ANO3: variants seen among roughly 807,000 people sequenced by gnomAD.
The protein encoded by ANO3 is anoctamin 3.
ANO3 carries 99 observed loss-of-function variants against 144.8 expected under a neutral mutation model. The observed-to-expected ratio is 0.68, with a 90% CI of 0.58 to 0.81. ANO3 has a LOEUF of 0.81. ANO3 is among the 30% of genes least tolerant of loss of function. The probability of loss-of-function intolerance (pLI) is 0.00; values close to 1 mark genes in which losing one functional copy is unlikely to be tolerated. For missense variants in ANO3, 905 were observed against 1,202.2 expected, an observed-to-expected ratio of 0.75 and a Z score of 3.66; for synonymous variants, 414 against 392.6, an observed-to-expected ratio of 1.05 and a Z score of -0.64.
intron 20 of ANO3, among the ~76,000 whole-genome samples, chr11:26,638,341 A>G (rs1025315552): frequency 2.6e-5 from 4 of 152,200 alleles, no homozygotes; most frequent in African/African-American, 9.6e-5. Flanking sequence ...GGAAAATAGC[A>G]CTTCACCTTT....
chr11:26,348,321 A>C (rs1855547895), intron 1 of ANO3, among the ~76,000 whole-genome samples: 1 of 152,244 alleles, frequency 6.6e-6, no homozygotes. Flanking sequence ...GTGTATTTAA[A>C]GTTCATGTTA....
At chr11:26,286,848 C>T (rs2133849523) in intron 1 of ANO3, among the ~76,000 whole-genome samples, 1 of 152,260 alleles carries the variant, frequency 6.6e-6, no homozygotes, top group East Asian at 1.9e-4. Flanking sequence ...GGGCTTAGCT[C>T]CAAACTATCT....
chr11:26,637,382 T>A (rs2133048803), intron 20 of ANO3, among the ~76,000 whole-genome samples: 1 of 152,292 alleles, frequency 6.6e-6, no homozygotes, highest in Middle Eastern at 3.4e-3. Context: ...GTAAATGGAA[T>A]TCATCCTTAG....
chr11:26,520,068 T>C (rs530752975), intron 6 of ANO3, among the ~76,000 whole-genome samples: 9 of 152,314 alleles, frequency 5.9e-5, no homozygotes, highest in African/African-American at 2.2e-4. Flanking sequence ...CTCTTAGTGA[T>C]GGAATAATTG....
intron 1 of ANO3, among the ~76,000 whole-genome samples, chr11:26,193,953 A>G (rs762410900): frequency 6.6e-6 from 1 of 152,186 alleles, no homozygotes; most frequent in Non-Finnish European, 1.5e-5. Context: ...GCATGACTTC[A>G]GAAAGTTAAA....
In ANO3 at chr11:26,223,616, A is replaced by C. The variant is rs1427955877; in HGVS notation, c.154+34286A>C. Among the ~76,000 whole-genome samples, 254 of 146,976 alleles carry C rather than the reference A, an allele frequency of 1.7e-3. 1 individual carries two copies. The highest frequency in any genetic ancestry group is 2.3e-3 in the Non-Finnish European group (150 of 65,746). ...TAGCTTTTTAATAAAAAAAAAAAAA[A>C]AAAAAACCCTGAGATTGGGTAATTT... On this transcript the variant is annotated intron_variant, in intron 1 of 27. Transcript: ENST00000672621.
chr11:26,376,656 TAA>T (rs3061028), intron 1 of ANO3, among the ~76,000 whole-genome samples: 36,728 of 147,156 alleles, frequency 0.25, 4,713 homozygotes, highest in South Asian at 0.34. Flanking sequence ...AAAAGTTGAG[TAA>T]AAAAAAAAAA....
rs567536763 is a variant in ANO3 at position 26,598,922 on chromosome 11, G to A, written c.1595G>A (p.Gly532Glu). ...YKMEIVNPIT[G>E]KPEPHQPSSD... ...ATGGAGATTGTAAATCCCATCACGG[G>A]AAAACCTGAACCACATCAGCCTTCC... The change falls in exon 16 of 27, where the codon GGA (glycine) becomes GAA (glutamate). Residue 532 changes from glycine to glutamate, a missense_variant. Physicochemically the swap from Gly to Glu is moderately conservative, Grantham distance 98. Coordinates refer to ENST00000256737, the MANE Select transcript of ANO3 (RefSeq NM_031418.4). 1.2e-6 allele frequency: 2 copies of A among 1,613,972 alleles called. No homozygotes were observed. The highest frequency in any genetic ancestry group is 1.7e-5 in the Admixed American group (1 of 60,016).
chr11:26,316,979 G>A (rs991705036), intron 1 of ANO3, among the ~76,000 whole-genome samples: 1 of 152,118 alleles, frequency 6.6e-6, no homozygotes, highest in African/African-American at 2.4e-5. Context: ...GTTTCAGGGG[G>A]TCCCCCTACA....
At chr11:26,195,995 C>T in intron 1 of ANO3, among the ~76,000 whole-genome samples, 1 of 152,080 alleles carries the variant, frequency 6.6e-6, no homozygotes, top group Non-Finnish European at 1.5e-5. Context: ...TTCCATTGTT[C>T]TGCCTATTTA....
intron 6 of ANO3, among the ~76,000 whole-genome samples, chr11:26,521,536 T>G (rs868792852): frequency 9.2e-5 from 14 of 152,194 alleles, no homozygotes; most frequent in Non-Finnish European, 1.8e-4. Context: ...TTGACTTTTC[T>G]TTAAAGTAAA....
chr11:26,486,323 T>C lies in ANO3; in HGVS notation c.433-21781T>C, dbSNP rs1246855863. ...TTGCAGTGAGCCAAGGTCATGCCAC[T>C]GCACTCCAGTCTGGGCGACAGAGTG... On this transcript the variant is annotated intron_variant, in intron 4 of 26. Transcript: ENST00000256737. 1.5e-5 allele frequency among the ~76,000 whole-genome samples: 2 copies of C among 134,256 alleles called. 1 individual carries two copies. The highest frequency in any genetic ancestry group is 3.1e-5 in the Non-Finnish European group (2 of 65,344). The allele number at this position is 134,256 out of a possible 152,430, so 88.1% of individuals were successfully genotyped here.
chr11:26,368,526 G>A (rs1856156872), intron 1 of ANO3, among the ~76,000 whole-genome samples: 3 of 151,968 alleles, frequency 2.0e-5, no homozygotes, highest in Non-Finnish European at 4.4e-5. Context: ...TTTGACCAGT[G>A]CCATATGTGT....
intron 1 of ANO3, among the ~76,000 whole-genome samples, chr11:26,358,721 T>C (rs1287647209): frequency 6.6e-6 from 1 of 152,180 alleles, no homozygotes; most frequent in Non-Finnish European, 1.5e-5. Context: ...TTGTGGTCTC[T>C]GGTTACACAT....
rs192278567 is a variant in ANO3 at position 26,552,953 on chromosome 11, T to C, written c.1290-296T>C. On this transcript the variant is annotated intron_variant, in intron 12 of 26. Coordinates refer to ENST00000256737, the MANE Select transcript of ANO3 (RefSeq NM_031418.4). ...CCGCACAAGATTATCCTGAGTGCCA[T>C]GAAATCATGTATAAAAGTGTCATTG... 1.7e-3 allele frequency among the ~76,000 whole-genome samples: 144 copies of C among 83,698 alleles called. 2 individuals are homozygous for C. The highest frequency in any genetic ancestry group is 5.9e-3 in the African/African-American group (139 of 23,406). The allele number at this position is 83,698 out of a possible 152,430, so 54.9% of individuals were successfully genotyped here. A position where few individuals can be genotyped will look rare whatever the true frequency, so the allele number is the denominator to read the frequency against.
chr11:26,211,835 G>C (rs943125909), intron 1 of ANO3, among the ~76,000 whole-genome samples: 18 of 152,112 alleles, frequency 1.2e-4, no homozygotes, highest in Non-Finnish European at 1.9e-4. Context: ...TTATAGACTG[G>C]ATAAAGAAAA....
chr11:26,204,120 T>G (rs1440308584), intron 1 of ANO3, among the ~76,000 whole-genome samples: 1 of 152,076 alleles, frequency 6.6e-6, no homozygotes, highest in East Asian at 1.9e-4. Context: ...AGACTTTCCC[T>G]GATCAAAACC....
intron 2 of ANO3, among the ~76,000 whole-genome samples, 166 bp from the exon 3 acceptor site, chr11:26,443,599 C>T (rs1858603376): frequency 6.6e-6 from 1 of 152,092 alleles, no homozygotes; most frequent in Non-Finnish European, 1.5e-5. Flanking sequence ...GACTCCGTTT[C>T]TTAAAAAACG....
chr11:26,230,489 CCATTCTAATTAAAGATTT>C (rs1187950367), intron 1 of ANO3, among the ~76,000 whole-genome samples: 2 of 151,978 alleles, frequency 1.3e-5, no homozygotes, highest in Admixed American at 6.6e-5. Context: ...TGCTTTCATG[CCATTCTAATTAAAGATTT>C]ATCTTTTGGC....
Sources: gnomAD v4.1 joint callset for allele counts (sites outside exome capture counted in the v4.1 genomes callset) on GRCh38, gnomAD v4.1.1 for gene constraint, MANE v1.5 for transcripts, NCBI Gene and HGNC (gene_info 2026-07-23, HGNC 2026-07-21) for gene names.